Variants in GPATCH2L observed in about 807,000 individuals in gnomAD.
The protein encoded by GPATCH2L is G patch domain-containing protein 2-like.
A neutral mutation model predicts 57.4 loss-of-function variants in GPATCH2L; 31 were observed. The observed-to-expected ratio is 0.54, with a 90% confidence interval of 0.41 to 0.73. GPATCH2L has a LOEUF of 0.73. Among genes scored for constraint, GPATCH2L ranks in the 30% least tolerant of loss-of-function variants. The probability of loss-of-function intolerance (pLI) is 0.00; values close to 1 mark genes in which losing one functional copy is unlikely to be tolerated. For synonymous variants in GPATCH2L, 199 were observed against 210.7 expected (o/e 0.94, Z 0.48); for missense variants, 481 against 599.9 (o/e 0.80, Z 2.07).
Position 76,154,748 on chromosome 14 carries a change from A to C in GPATCH2L, c.385A>C (p.Arg129=), listed in dbSNP as rs1160966177. ...ENAPCRPLRR[R]RKVKRVTSEV... ...TGCACCTTGTCGACCACTCAGGCGC[A>C]GGCGGAAGGTGAAGCGAGTGACATC... The change falls in exon 2 of 10, where the codon AGG becomes CGG. Residue 129 remains arginine (R), a synonymous_variant. Coordinates refer to ENST00000261530, the MANE Select transcript of GPATCH2L (RefSeq NM_017926.4). This position sits in a 1 kb window ranked among gnomAD's most constrained non-coding sequence, Gnocchi z 4.4. 1.2e-6 allele frequency: 2 copies of C among 1,614,238 alleles called. No individual in the cohort carries two copies. Among genetic ancestry groups the C allele is most frequent in the Admixed American group, 3.3e-5 (2 of 60,028 alleles).
chr14:76,158,693 T>C (rs992126659), intron 2 of GPATCH2L, among the ~76,000 whole-genome samples: 1 of 152,246 alleles, frequency 6.6e-6, no homozygotes, highest in Admixed American at 6.5e-5. Context: ...TTCTGTTTTC[T>C]ATTCTGTAAG....
chr14:76,202,094 T>G lies in GPATCH2L; in HGVS notation c.*243T>G, dbSNP rs1248686934. The G allele has an allele frequency of 5.1e-5, 18 of 349,648 alleles. No individual in the cohort carries two copies. Among genetic ancestry groups the G allele is most frequent in the Non-Finnish European group, 4.1e-5 (8 of 194,124 alleles). 21.7% of individuals were successfully genotyped at this position (349,648 alleles called of 1,614,324 possible). The stretch of plus-strand genomic sequence containing the variant: ...ACAAAAAGGTCATCCTCTGCTCTAT[T>G]TGTTACCTTGTTATTGCTGTCTCAA... On this transcript the variant is annotated 3_prime_UTR_variant, in exon 10 of 10. Transcript: ENST00000261530.
intron 2 of GPATCH2L, among the ~76,000 whole-genome samples, chr14:76,158,475 G>C (rs2038416173): frequency 6.6e-6 from 1 of 152,148 alleles, no homozygotes; most frequent in Non-Finnish European, 1.5e-5. Context: ...AGTGTGCTTT[G>C]CTCCAGGTGT....
chr14:76,215,453 A>G (rs1453236580), downstream of GPATCH2L, among the ~76,000 whole-genome samples: 1 of 151,848 alleles, frequency 6.6e-6, no homozygotes, highest in Non-Finnish European at 1.5e-5. Flanking sequence ...GCTGCTATAA[A>G]GACACATACA....
intron 7 of GPATCH2L, chr14:76,178,317 C>T (rs372359474): frequency 3.1e-6 from 4 of 1,307,022 alleles, no homozygotes; most frequent in African/African-American, 1.5e-5. Flanking sequence ...ACGTATGGAG[C>T]AGAAGGTAGA....
At chr14:76,186,284 TAG>T (rs959214078) in intron 8 of GPATCH2L, among the ~76,000 whole-genome samples, 3 of 152,022 alleles carry the variant, frequency 2.0e-5, no homozygotes, top group Non-Finnish European at 2.9e-5. Context: ...TCCTGCCCAT[TAG>T]AGAGTTGAAA....
At chr14:76,171,245 C>T (rs1303167717) in intron 3 of GPATCH2L, among the ~76,000 whole-genome samples, 2 of 146,830 alleles carry the variant, frequency 1.4e-5, no homozygotes, top group Non-Finnish European at 3.0e-5. Flanking sequence ...GCAGCCTGGG[C>T]AACATAAGGA....
At chr14:76,183,982 C>T (rs923026883) in intron 8 of GPATCH2L, among the ~76,000 whole-genome samples, 2 of 151,390 alleles carry the variant, frequency 1.3e-5, no homozygotes, top group Non-Finnish European at 2.9e-5. Flanking sequence ...TCTTTCAAAG[C>T]ACCTGGGCAG....
chr14:76,191,987 T>A (rs2139782408), intron 8 of GPATCH2L, among the ~76,000 whole-genome samples: 1 of 152,258 alleles, frequency 6.6e-6, no homozygotes, highest in Middle Eastern at 3.4e-3. Flanking sequence ...TTTACTTCTA[T>A]GAGATCAACT....
At chr14:76,189,966 A>G (rs2039904628) in intron 8 of GPATCH2L, among the ~76,000 whole-genome samples, 1 of 152,124 alleles carries the variant, frequency 6.6e-6, no homozygotes, top group African/African-American at 2.4e-5. Flanking sequence ...AAGGTGAACT[A>G]TTCCTTAAAC....
intron 8 of GPATCH2L, among the ~76,000 whole-genome samples, chr14:76,186,383 G>A (rs2039767723): frequency 6.6e-6 from 1 of 152,172 alleles, no homozygotes; most frequent in African/African-American, 2.4e-5. Flanking sequence ...CCAGCTGGCT[G>A]TGCCACTTGA....
chr14:76,165,812 T>C (rs1379600766), intron 2 of GPATCH2L, among the ~76,000 whole-genome samples: 3 of 152,358 alleles, frequency 2.0e-5, no homozygotes, highest in Admixed American at 2.0e-4. Context: ...GCCTGTGTTT[T>C]CTACAGCATG....
chr14:76,165,221 C>T lies in GPATCH2L; in HGVS notation c.663-1442C>T, dbSNP rs185681455. ...AAAGAAATAGGGTTTGGGCTGGGTG[C>T]GGTGGCTCATGCCTGTAATCTCAGC... On this transcript the variant is annotated intron_variant, in intron 2 of 9. Transcript: ENST00000261530. Among the ~76,000 whole-genome samples, 494 of 151,982 alleles carry T rather than the reference C, an allele frequency of 3.3e-3. 3 individuals are homozygous for T. Among genetic ancestry groups the T allele is most frequent in the Non-Finnish European group, 5.4e-3 (364 of 67,952 alleles).
rs776143236 is a variant in GPATCH2L at position 76,224,880 on chromosome 14, AT to A, written c.66-4927del. On this transcript the variant is annotated intron_variant and NMD_transcript_variant, in intron 1 of 3. Coordinates refer to the GPATCH2L transcript ENST00000556372. ...TTCAGTTCAAAAATGAAATTTAAAA[AT>A]ATTTACAATAGCATCGAAGACATAA... Among the ~76,000 whole-genome samples, 4 of 152,318 alleles carry A rather than the reference AT, an allele frequency of 2.6e-5. No homozygotes were observed. In the South Asian group the frequency reaches 6.2e-4, roughly 24 times the overall value.
chr14:76,228,380 A>G (rs1273214308), intron 1 of GPATCH2L, among the ~76,000 whole-genome samples: 3 of 152,108 alleles, frequency 2.0e-5, no homozygotes, highest in African/African-American at 7.2e-5. Flanking sequence ...TACACAAAGA[A>G]AGAGGTTGCT....
intron 9 of GPATCH2L, chr14:76,196,436 A>ATTTT: frequency 1.5e-5 from 2 of 129,426 alleles, no homozygotes; most frequent in Non-Finnish European, 2.9e-5. Flanking sequence ...AAAACTTTTC[A>ATTTT]GTTTTTTTTT....
intron 2 of GPATCH2L, among the ~76,000 whole-genome samples, chr14:76,165,536 A>G (rs2038794054): frequency 6.6e-6 from 1 of 151,902 alleles, no homozygotes; most frequent in African/African-American, 2.4e-5. Context: ...ATTATGGCAC[A>G]TGTATACCTG....
rs781007285 is a variant in GPATCH2L, at chr14:76,154,605, C to T, written c.242C>T (p.Pro81Leu). The T allele has an allele frequency of 3.0e-5, 49 of 1,614,080 alleles. No individual in the cohort carries two copies. The highest frequency in any genetic ancestry group is 3.8e-5 in the Non-Finnish European group (45 of 1,180,038). The part of the protein sequence containing the change: ...EATKDCREVA[P>L]VTNFSDSDDT... The stretch of plus-strand genomic sequence containing the variant: ...ACTAAGGACTGTCGAGAAGTGGCTC[C>T]GGTGACCAATTTTAGTGACTCTGAT... The change falls in exon 2 of 10, where the codon CCG (proline) becomes CTG (leucine). Residue 81 changes from proline to leucine, a missense_variant. Physicochemically the swap from Pro to Leu is moderately conservative, Grantham distance 98. This residue lies in a region of GPATCH2L where 208 missense variants were observed against 272.4 expected (regional missense o/e 0.76). Coordinates refer to ENST00000261530, the MANE Select transcript of GPATCH2L (RefSeq NM_017926.4). The surrounding 1 kb of genome is among the most constrained non-coding windows in gnomAD (Gnocchi z 4.4).
In GPATCH2L at chr14:76,154,822, C is replaced by T. The variant is rs1446875399; in HGVS notation, c.459C>T (p.Ser153=). The change falls in exon 2 of 10, where the codon AGC becomes AGT. Residue 153 remains serine, a synonymous_variant. Coordinates refer to ENST00000261530, the MANE Select transcript of GPATCH2L (RefSeq NM_017926.4). This position sits in a 1 kb window ranked among gnomAD's most constrained non-coding sequence, Gnocchi z 4.4. ...LQQKLKVSDW[S]YERGCRFKSA... is the part of the protein sequence containing the mutation. ...AGAAGCTGAAGGTGTCAGATTGGAG[C>T]TATGAGAGAGGCTGCAGGTTCAAGT... 2 of 1,614,072 alleles carry T rather than the reference C, an allele frequency of 1.2e-6. No homozygotes were observed. Among genetic ancestry groups the T allele is most frequent in the African/African-American group, 2.7e-5 (2 of 74,930 alleles).
Sources: allele counts gnomAD v4.1 joint callset (sites outside exome capture counted in the v4.1 genomes callset), GRCh38; gene constraint gnomAD v4.1.1; regional missense constraint gnomAD v4.1.1; non-coding constraint Gnocchi (gnomAD v3.1); transcripts MANE v1.5; gene names NCBI Gene and HGNC (gene_info 2026-07-23, HGNC 2026-07-21).